The following SH2D4B variants were observed in gnomAD, a reference collection of about 807,000 sequenced individuals.
SH2D4B encodes SH2 domain-containing protein 4B.
Under a neutral mutation model 61.5 loss-of-function variants are expected in SH2D4B, and 45 were observed. The ratio of observed to expected loss-of-function variants is 0.73; its 90% CI spans 0.58 to 0.94. SH2D4B has a LOEUF of 0.94. Among genes scored for constraint, SH2D4B ranks in the 40% least tolerant of loss-of-function variants. SH2D4B has a pLI of 0.00. For missense variants in SH2D4B, 572 were observed against 574.2 expected, an observed-to-expected ratio of 1.00 and a Z score of 0.04; for synonymous variants, 224 against 220.4, an observed-to-expected ratio of 1.02 and a Z score of -0.14.
chr10:80,565,337 T>G (rs1170956850), intron 1 of SH2D4B, among the ~76,000 whole-genome samples: 3 of 116,128 alleles, frequency 2.6e-5, no homozygotes, highest in Non-Finnish European at 5.1e-5. Flanking sequence ...CTTCCCAGCC[T>G]CTGGTAACCA....
Position 80,634,374 on chromosome 10 carries a change from T to A in SH2D4B, c.1078T>A (p.Tyr360Asn), listed in dbSNP as rs1304093960. ...CCGGGTCAGTGAGAAAATCTGGGGT[T>A]ACACCCTCTCCTACCGCCTGCAGAA... ...LVRVSEKIWG[Y>N]TLSYRLQKGF... is the part of the protein sequence containing the mutation. Residue 360 changes from tyrosine to asparagine, a missense_variant, in exon 7 of 8, where the codon TAC becomes AAC. Transcript: ENST00000646907. 1 of 1,550,600 alleles carries A rather than the reference T, an allele frequency of 6.4e-7. No homozygotes were observed. Among genetic ancestry groups the A allele is most frequent in the South Asian group, 1.2e-5 (1 of 84,066 alleles).
intron 3 of SH2D4B, 92 bp from the exon 4 acceptor site, chr10:80,588,538 C>A: frequency 4.6e-6 from 7 of 1,524,090 alleles, no homozygotes; most frequent in Non-Finnish European, 5.3e-6. Context: ...CACTCTCAGC[C>A]CCATCCACTG....
chr10:80,634,611 G>A (rs1842875664), intron 7 of SH2D4B, 106 bp downstream of exon 7: 1 of 1,459,188 alleles, frequency 6.9e-7, no homozygotes, highest in Non-Finnish European at 9.1e-7. Context: ...CTGGGCAGTG[G>A]GGCTGGAGGG....
chr10:80,561,288 A>G (rs1385333433), intron 1 of SH2D4B, among the ~76,000 whole-genome samples: 1 of 152,226 alleles, frequency 6.6e-6, no homozygotes, highest in African/African-American at 2.4e-5. Context: ...AAAAATTAAA[A>G]TTTTTGGAAA....
intron 4 of SH2D4B, among the ~76,000 whole-genome samples, chr10:80,600,964 C>G (rs970618980): frequency 6.6e-6 from 1 of 152,130 alleles, no homozygotes; most frequent in Non-Finnish European, 1.5e-5. Flanking sequence ...CTTGTTGGAG[C>G]CTTTCGTCAC....
intron 6 of SH2D4B, among the ~76,000 whole-genome samples, chr10:80,626,334 T>C (rs958807670): frequency 6.6e-6 from 1 of 152,242 alleles, no homozygotes; most frequent in Non-Finnish European, 1.5e-5. Context: ...GCTTTTATGG[T>C]TGCAACTGAG....
chr10:80,599,842 T>C (rs1436438003), intron 4 of SH2D4B, among the ~76,000 whole-genome samples: 1 of 152,166 alleles, frequency 6.6e-6, no homozygotes, highest in Non-Finnish European at 1.5e-5. Flanking sequence ...CTCGGCTGCC[T>C]GTTTTCCCTC....
In SH2D4B at chr10:80,645,902, C is replaced by T. The variant is rs974073402; in HGVS notation, c.*1817C>T. ...TGATGGAAGGAATCTGCTTTCTGAA[C>T]TCTAATGTGCCTTCATTGATTATCA... On this transcript the variant is annotated 3_prime_UTR_variant, in exon 8 of 8. Transcript: ENST00000646907. 3.9e-5 allele frequency: 6 copies of T among 152,280 alleles called. 1 individual carries two copies. The South Asian group carries it at 1.2e-3, about 32-fold the overall frequency. The allele number at this position is 152,280 out of a possible 1,614,324, so 9.4% of individuals were successfully genotyped here.
chr10:80,585,255 G>C (rs1913756), intron 3 of SH2D4B, among the ~76,000 whole-genome samples: 40,676 of 151,656 alleles, frequency 0.27, 6,387 homozygotes, highest in African/African-American at 0.43. Context: ...CCAGACACCT[G>C]TCCCTGTGTC....
chr10:80,611,277 A>C (rs1326571139), intron 6 of SH2D4B, among the ~76,000 whole-genome samples: 2 of 151,942 alleles, frequency 1.3e-5, no homozygotes, highest in Non-Finnish European at 1.5e-5. Context: ...CTTTTGCAGG[A>C]AACTGACACG....
chr10:80,543,231 C>T (rs552288672), intron 1 of SH2D4B, among the ~76,000 whole-genome samples: 3 of 152,254 alleles, frequency 2.0e-5, no homozygotes, highest in East Asian at 3.9e-4. Context: ...TGGCCAAGGC[C>T]GGAGCCGGCT....
intron 1 of SH2D4B, among the ~76,000 whole-genome samples, chr10:80,564,007 A>G (rs1209074356): frequency 6.6e-6 from 1 of 152,212 alleles, no homozygotes; most frequent in Non-Finnish European, 1.5e-5. Context: ...AGCCCTCTAT[A>G]GATGTTAGCT....
At chr10:80,608,127 A>G (rs1842541835) in intron 5 of SH2D4B, among the ~76,000 whole-genome samples, 1 of 152,234 alleles carries the variant, frequency 6.6e-6, no homozygotes, top group African/African-American at 2.4e-5. Context: ...AGGCAGAACC[A>G]GGACAGTGAA....
chr10:80,620,187 A>T (rs993813840), intron 6 of SH2D4B, among the ~76,000 whole-genome samples: 5 of 152,102 alleles, frequency 3.3e-5, no homozygotes, highest in Admixed American at 1.3e-4. Flanking sequence ...CAATGTTGGG[A>T]GAGGGACCTG....
chr10:80,588,875 A>C (rs139283751), intron 4 of SH2D4B, 98 bp downstream of exon 4: 7 of 1,446,820 alleles, frequency 4.8e-6, no homozygotes, highest in Non-Finnish European at 6.6e-6. Flanking sequence ...CCATTCGCTC[A>C]CTCACCCCAT....
intron 6 of SH2D4B, among the ~76,000 whole-genome samples, chr10:80,629,118 A>G (rs570336427): frequency 6.6e-6 from 1 of 152,252 alleles, no homozygotes; most frequent in East Asian, 1.9e-4. Context: ...TCCCAGTTCT[A>G]TAGGCTGTAC....
chr10:80,572,945 AATATATATATAT>A (rs869061750), intron 3 of SH2D4B, among the ~76,000 whole-genome samples: 603 of 20,590 alleles, frequency 0.029, 17 homozygotes, highest in East Asian at 0.099. Context: ...GTATGTTGCA[AATATATATATAT>A]ATATATATAT....
intron 7 of SH2D4B, 51 bp from the exon 8 acceptor site, chr10:80,643,942 G>A: frequency 7.0e-7 from 1 of 1,419,912 alleles, no homozygotes. Flanking sequence ...TCATAGATGT[G>A]TATTTCCCTG....
rs572144088 is a variant in SH2D4B, at chr10:80,609,437, C to G, written c.874C>G (p.Arg292Gly). The part of the protein sequence containing the change: ...LALPVSRTWE[R>G]PLRPVSRDVI... ...CTTTCTCTTCAGCAGGACCTGGGAG[C>G]GCCCGCTGCGCCCAGTCTCCAGAGA... Residue 292 changes from arginine (R) to glycine (G), a missense_variant, in exon 6 of 8, where the codon CGC (arginine) becomes GGC (glycine). By Grantham distance (125) the Arg-to-Gly change is moderately radical. Coordinates refer to ENST00000646907, the MANE Select transcript of SH2D4B (RefSeq NM_001388272.1). The G allele has an allele frequency of 1.2e-6, 2 of 1,613,842 alleles. No individual in the cohort carries two copies. The highest frequency in any genetic ancestry group is 1.7e-6 in the Non-Finnish European group (2 of 1,179,872).
Sources: gnomAD v4.1 joint callset for allele counts (sites outside exome capture counted in the v4.1 genomes callset) on GRCh38, gnomAD v4.1.1 for gene constraint, MANE v1.5 for transcripts, NCBI Gene and HGNC (gene_info 2026-07-23, HGNC 2026-07-21) for gene names.